NYAP2: variants seen among roughly 807,000 people sequenced by gnomAD.
The protein encoded by NYAP2 is neuronal tyrosine-phosphorylated phosphoinositide-3-kinase adaptor 2.
In NYAP2, 23 loss-of-function variants were observed where a neutral mutation model predicts 50.4. That is an observed-to-expected ratio of 0.46 (90% CI 0.33 to 0.65). The LOEUF is 0.65. Among genes scored for constraint, NYAP2 ranks in the 30% least tolerant of loss-of-function variants. The pLI, the probability that NYAP2 is intolerant of heterozygous loss-of-function variation, is 0.02. For missense variants in NYAP2, 885 were observed against 861.0 expected (o/e 1.03, Z -0.35); for synonymous variants, 394 against 365.2 (o/e 1.08, Z -0.90).
intron 5 of NYAP2, among the ~76,000 whole-genome samples, chr2:225,600,622 T>C (rs1243373598): frequency 1.3e-5 from 2 of 152,224 alleles, no homozygotes; most frequent in Non-Finnish European, 2.9e-5. Flanking sequence ...CTTCACTGTC[T>C]CAGTTACAGC....
At chr2:225,446,242 CTCTCTATATATATATATA>C (rs1331901230) in intron 3 of NYAP2, among the ~76,000 whole-genome samples, 1 of 110,292 alleles carries the variant, frequency 9.1e-6, no homozygotes, top group African/African-American at 3.4e-5. Context: ...CTCTCTCTCT[CTCTCTATATATATATATA>C]TATATATATA....
chr2:225,493,627 C>T (rs191547914), intron 3 of NYAP2, among the ~76,000 whole-genome samples: 12 of 152,290 alleles, frequency 7.9e-5, no homozygotes, highest in African/African-American at 1.4e-4. Flanking sequence ...CGTGCATTTG[C>T]GCAATTGCTT....
At chr2:225,522,872 G>A (rs184776601) in intron 4 of NYAP2, among the ~76,000 whole-genome samples, 22 of 152,214 alleles carry the variant, frequency 1.4e-4, no homozygotes, top group African/African-American at 5.3e-4. Context: ...GAGAATAAAT[G>A]GTTTAACACA....
chr2:225,441,186 A>C (rs913753127), intron 3 of NYAP2, among the ~76,000 whole-genome samples: 4 of 152,248 alleles, frequency 2.6e-5, no homozygotes, highest in Non-Finnish European at 5.9e-5. Context: ...TCTGCAGATC[A>C]GTGAATCCCT....
the NYAP2 span, chr2:225,701,186 A>T: frequency 6.6e-6 from 1 of 151,858 alleles, no homozygotes. Flanking sequence ...CTCTAAATGG[A>T]GAAAAGGAGA....
intron 5 of NYAP2, among the ~76,000 whole-genome samples, chr2:225,621,444 A>G (rs1693101972): frequency 6.6e-6 from 1 of 152,182 alleles, no homozygotes; most frequent in African/African-American, 2.4e-5. Flanking sequence ...AGAGACAGAA[A>G]GTAGAGGAGG....
At chr2:225,634,005 C>T (rs980593061) in intron 6 of NYAP2, among the ~76,000 whole-genome samples, 1 of 152,192 alleles carries the variant, frequency 6.6e-6, no homozygotes, top group Non-Finnish European at 1.5e-5. Flanking sequence ...CAGTAGATAC[C>T]TTGTCCTCCT....
intron 3 of NYAP2, among the ~76,000 whole-genome samples, chr2:225,431,926 G>A (rs1387505884): frequency 6.6e-6 from 1 of 152,042 alleles, no homozygotes; most frequent in Non-Finnish European, 1.5e-5. Context: ...CTGCAAGAGT[G>A]TGTGTGGCCA....
chr2:225,610,140 T>C (rs1692854257), intron 5 of NYAP2, among the ~76,000 whole-genome samples: 1 of 152,206 alleles, frequency 6.6e-6, no homozygotes, highest in South Asian at 2.1e-4. Flanking sequence ...TAAGATTTCA[T>C]GTACGGTTGG....
At chr2:225,545,900 G>A (rs1435976059) in intron 4 of NYAP2, among the ~76,000 whole-genome samples, 1 of 152,154 alleles carries the variant, frequency 6.6e-6, no homozygotes, top group Non-Finnish European at 1.5e-5. Context: ...GTGTTAGGGA[G>A]CACCCTAAGC....
At chr2:225,670,582 G>A in the NYAP2 span, among the ~76,000 whole-genome samples, 1 of 145,184 alleles carries the variant, frequency 6.9e-6, no homozygotes, top group Non-Finnish European at 1.5e-5. Flanking sequence ...TGTCCTTCCT[G>A]GGAAAACGTC....
chr2:225,677,094 T>C, the NYAP2 span, among the ~76,000 whole-genome samples: 1 of 152,260 alleles, frequency 6.6e-6, no homozygotes, highest in South Asian at 2.1e-4. Flanking sequence ...TTTTGAGCAG[T>C]GTTTTGTAGT....
At chr2:225,602,565 C>T (rs1463278844) in intron 5 of NYAP2, among the ~76,000 whole-genome samples, 1 of 152,050 alleles carries the variant, frequency 6.6e-6, no homozygotes, top group African/African-American at 2.4e-5. Context: ...ATATTTTCCC[C>T]TGCATTTTTT....
At chr2:225,639,170 A>G (rs1332933441) in intron 6 of NYAP2, among the ~76,000 whole-genome samples, 1 of 152,220 alleles carries the variant, frequency 6.6e-6, no homozygotes, top group Non-Finnish European at 1.5e-5. Context: ...GGAGAAAAAA[A>G]TAATACAGTT....
At chr2:225,675,769 T>G in the NYAP2 span, among the ~76,000 whole-genome samples, 1 of 152,280 alleles carries the variant, frequency 6.6e-6, no homozygotes, top group East Asian at 1.9e-4. Flanking sequence ...CAACCATGTA[T>G]AAGCATTCTC....
At chr2:225,690,853 T>C in the NYAP2 span, among the ~76,000 whole-genome samples, 1 of 152,100 alleles carries the variant, frequency 6.6e-6, no homozygotes, top group Admixed American at 6.6e-5. Context: ...GTTTTATAGT[T>C]GTTTATATAG....
chr2:225,514,170 C>T (rs373098018), intron 4 of NYAP2, among the ~76,000 whole-genome samples: 12 of 152,220 alleles, frequency 7.9e-5, no homozygotes, highest in African/African-American at 2.9e-4. Context: ...CCAATTTTTA[C>T]CTTTATCTGC....
At chr2:225,470,917 C>G (rs1031675209) in intron 3 of NYAP2, among the ~76,000 whole-genome samples, 1 of 152,086 alleles carries the variant, frequency 6.6e-6, no homozygotes, top group Non-Finnish European at 1.5e-5. Context: ...TCCTTCCCAG[C>G]TGGGAAGACT....
intron 5 of NYAP2, among the ~76,000 whole-genome samples, chr2:225,590,338 C>A (rs1383841377): frequency 6.6e-6 from 1 of 152,164 alleles, no homozygotes; most frequent in Non-Finnish European, 1.5e-5. Flanking sequence ...TGCGCTCAGC[C>A]TCCAGAGAAG....
Sources: gnomAD v4.1 joint callset for allele counts (sites outside exome capture counted in the v4.1 genomes callset) on GRCh38, gnomAD v4.1.1 for gene constraint, MANE v1.5 for transcripts, NCBI Gene and HGNC (gene_info 2026-07-23, HGNC 2026-07-21) for gene names.